Variants in SLC44A5 observed in about 807,000 individuals in gnomAD.
SLC44A5 encodes choline transporter-like protein 5.
Under a neutral mutation model 101.8 loss-of-function variants are expected in SLC44A5, and 57 were observed. That is an observed-to-expected ratio of 0.56 (90% CI 0.45 to 0.70). The LOEUF (loss-of-function observed/expected upper bound fraction) is 0.70, where lower values mean the gene tolerates loss of function less well. Among genes scored for constraint, SLC44A5 ranks in the 30% least tolerant of loss-of-function variants. The pLI, the probability that SLC44A5 is intolerant of heterozygous loss-of-function variation, is 0.00. For missense variants in SLC44A5, 737 were observed against 853.1 expected (o/e 0.86, Z 1.70); for synonymous variants, 281 against 290.9 (o/e 0.97, Z 0.35).
chr1:75,538,465 T>G (rs1430171141), intron 2 of SLC44A5, among the ~76,000 whole-genome samples: 1 of 152,208 alleles, frequency 6.6e-6, no homozygotes, highest in Non-Finnish European at 1.5e-5. Flanking sequence ...ATTTTTTAAA[T>G]TTTACAATAA....
Position 75,300,701 on chromosome 1 carries a change from G to T in SLC44A5, c.102-16C>A, listed in dbSNP as rs767258599. ...TGTACAACTCCTAAAGACAAAAAAA[G>T]AAATAAATAATTAAAAGAGGTCCCA... On this transcript the variant is annotated splice_polypyrimidine_tract_variant and intron_variant, in intron 4 of 23. Coordinates refer to ENST00000370859, the MANE Select transcript of SLC44A5 (RefSeq NM_001130058.2). The T allele has an allele frequency of 2.6e-6, 4 of 1,538,676 alleles. No homozygotes were observed. Among genetic ancestry groups the T allele is most frequent in the East Asian group, 4.7e-5 (2 of 42,596 alleles).
At chr1:75,535,407 T>C (rs1670943127) in intron 2 of SLC44A5, among the ~76,000 whole-genome samples, 2 of 152,266 alleles carry the variant, frequency 1.3e-5, no homozygotes, top group East Asian at 1.9e-4. Flanking sequence ...CCCTCCTCCA[T>C]GCAAAAGGGC....
rs796955524 is a variant in SLC44A5 at position 75,343,136 on chromosome 1, A to G, written c.53-3506T>C. ...TGGCTTAGCTCCTTGAATGCAATTC[A>G]TATTTCTCACTTAAAGACAAAAAAC... On this transcript the variant is annotated intron_variant, in intron 3 of 23. Coordinates refer to ENST00000370859, the MANE Select transcript of SLC44A5 (RefSeq NM_001130058.2). Among the ~76,000 whole-genome samples the G allele has an allele frequency of 2.6e-5, 4 of 152,330 alleles. 1 individual carries two copies. The highest frequency in any genetic ancestry group is 9.6e-5 in the African/African-American group (4 of 41,584).
intron 1 of SLC44A5, among the ~76,000 whole-genome samples, chr1:75,541,845 C>G (rs1160093084): frequency 6.6e-6 from 1 of 152,110 alleles, no homozygotes; most frequent in African/African-American, 2.4e-5. Context: ...TCTATCTTAT[C>G]TTCCATCCTC....
chr1:75,717,452 G>A, the SLC44A5 span, among the ~76,000 whole-genome samples: 6 of 152,086 alleles, frequency 3.9e-5, no homozygotes, highest in Admixed American at 3.9e-4. Context: ...ACAGACACTG[G>A]GGCTACTTGA....
chr1:75,326,559 A>T (rs1467674727), intron 4 of SLC44A5, among the ~76,000 whole-genome samples: 2 of 152,178 alleles, frequency 1.3e-5, no homozygotes, highest in African/African-American at 4.8e-5. Flanking sequence ...TGGAGTTAGA[A>T]TCAATAAACA....
At chr1:75,587,526 T>G (rs1405426610) in intron 1 of SLC44A5, among the ~76,000 whole-genome samples, 2 of 152,220 alleles carry the variant, frequency 1.3e-5, no homozygotes, top group East Asian at 3.9e-4. Flanking sequence ...TTTCTCATGT[T>G]ACCTCCATTT....
At chr1:75,566,031 C>T (rs1672768076) in intron 1 of SLC44A5, among the ~76,000 whole-genome samples, 1 of 152,126 alleles carries the variant, frequency 6.6e-6, no homozygotes, top group Non-Finnish European at 1.5e-5. Flanking sequence ...CATTTCACTT[C>T]AGGCTATCTG....
At chr1:75,684,813 C>A in the SLC44A5 span, among the ~76,000 whole-genome samples, 1 of 152,128 alleles carries the variant, frequency 6.6e-6, no homozygotes, top group Non-Finnish European at 1.5e-5. Context: ...GTGGTTCTAC[C>A]ATTCCGGAGT....
intron 12 of SLC44A5, among the ~76,000 whole-genome samples, chr1:75,230,862 C>T (rs1267971775): frequency 2.0e-5 from 3 of 152,110 alleles, no homozygotes; most frequent in South Asian, 2.1e-4. Context: ...AGTGATTGGC[C>T]GCCTCGGCCT....
intron 4 of SLC44A5, among the ~76,000 whole-genome samples, chr1:75,327,998 G>A (rs1173897458): frequency 6.6e-6 from 1 of 152,054 alleles, no homozygotes; most frequent in Non-Finnish European, 1.5e-5. Context: ...TACTAGGATC[G>A]TCCCTAGGGT....
At chr1:75,599,753 A>G (rs1435833013) in intron 1 of SLC44A5, among the ~76,000 whole-genome samples, 1 of 152,192 alleles carries the variant, frequency 6.6e-6, no homozygotes, top group Non-Finnish European at 1.5e-5. Flanking sequence ...ATGAAGGCAG[A>G]GAAGCATAAA....
chr1:75,367,105 C>T (rs1221357331), intron 3 of SLC44A5, among the ~76,000 whole-genome samples: 1 of 152,110 alleles, frequency 6.6e-6, no homozygotes, highest in Non-Finnish European at 1.5e-5. Flanking sequence ...GTTTGTAATC[C>T]AGGTAGCCTT....
intron 2 of SLC44A5, among the ~76,000 whole-genome samples, chr1:75,427,221 A>G (rs1664365279): frequency 6.6e-6 from 1 of 152,174 alleles, no homozygotes; most frequent in African/African-American, 2.4e-5. Flanking sequence ...ATTATTTCTC[A>G]TCATTAAAAG....
chr1:75,486,666 G>C (rs1668167914), intron 2 of SLC44A5, among the ~76,000 whole-genome samples: 2 of 152,202 alleles, frequency 1.3e-5, no homozygotes, highest in South Asian at 4.1e-4. Context: ...AAAACAAAGA[G>C]GCCACAGGCC....
At chr1:75,299,443 A>G (rs988644569) in intron 5 of SLC44A5, among the ~76,000 whole-genome samples, 7 of 152,202 alleles carry the variant, frequency 4.6e-5, no homozygotes, top group African/African-American at 1.7e-4. Flanking sequence ...AGAGCAGGGA[A>G]AAATGTTTTT....
At chr1:75,306,359 T>C (rs1426981390) in intron 4 of SLC44A5, among the ~76,000 whole-genome samples, 1 of 152,210 alleles carries the variant, frequency 6.6e-6, no homozygotes, top group African/African-American at 2.4e-5. Context: ...GAATTATTAG[T>C]GAGATGCACC....
intron 14 of SLC44A5, 66 bp from the exon 15 acceptor site, chr1:75,219,958 T>C (rs12042874): frequency 0.43 from 444,816 of 1,031,872 alleles, 102,609 homozygotes; most frequent in East Asian, 0.84. Context: ...ACTGAATTGA[T>C]TCTAAGAAAA....
intron 2 of SLC44A5, among the ~76,000 whole-genome samples, chr1:75,490,046 T>TAA (rs150084072): frequency 2.0e-5 from 3 of 150,964 alleles, no homozygotes; most frequent in Non-Finnish European, 3.0e-5. Context: ...ATTGTAAAAT[T>TAA]AAAAAAAAAT....
Sources: allele counts gnomAD v4.1 joint callset (sites outside exome capture counted in the v4.1 genomes callset), GRCh38; gene constraint gnomAD v4.1.1; transcripts MANE v1.5; gene names NCBI Gene and HGNC (gene_info 2026-07-23, HGNC 2026-07-21).